ANXA4: variants seen among roughly 807,000 people sequenced by gnomAD.
ANXA4 encodes annexin A4.
ANXA4 carries 39 observed loss-of-function variants against 49.8 expected under a neutral mutation model. That is an observed-to-expected ratio of 0.78 (90% CI 0.61 to 1.02). The LOEUF (loss-of-function observed/expected upper bound fraction) is 1.02. Ranked by LOEUF, ANXA4 falls within the 50% of genes least tolerant of loss-of-function variation. The pLI is 0.00. For synonymous variants in ANXA4, 134 were observed against 152.5 expected (o/e 0.88, Z 0.89); for missense variants, 360 against 410.1 (o/e 0.88, Z 1.05).
chr2:69,767,822 A>G (rs1671553599), intron 1 of ANXA4, among the ~76,000 whole-genome samples: 1 of 152,220 alleles, frequency 6.6e-6, no homozygotes, highest in Admixed American at 6.5e-5. Context: ...TAGCTCAGCA[A>G]GAAATGTAAC....
intron 2 of ANXA4, among the ~76,000 whole-genome samples, chr2:69,659,535 T>C (rs1382894897): frequency 1.3e-5 from 2 of 152,230 alleles, no homozygotes; most frequent in Non-Finnish European, 2.9e-5. Context: ...CTTGAACTTC[T>C]GGGCTCAAGT....
At chr2:69,681,306 T>A (rs1482119793) in intron 2 of ANXA4, among the ~76,000 whole-genome samples, 9 of 152,004 alleles carry the variant, frequency 5.9e-5, no homozygotes, top group African/African-American at 2.2e-4. Flanking sequence ...TTCATAACAG[T>A]CTCTGATGAT....
In ANXA4 at chr2:69,656,240, C is replaced by T. The variant is rs1272198779; in HGVS notation, n.766+2958C>T. 2.2e-4 allele frequency among the ~76,000 whole-genome samples: 24 copies of T among 107,298 alleles called. 4 individuals are homozygous for T. The South Asian group carries it at 5.9e-3, about 26-fold the overall frequency. The allele number at this position is 107,298 out of a possible 152,430, so 70.4% of individuals were successfully genotyped here. On this transcript the variant is annotated intron_variant and non_coding_transcript_variant, in intron 2 of 3. Transcript: ENST00000418066. ...ATATATGTATATATGTATATATATA[C>T]GTATATATATGTATATACGTATATA...
At chr2:69,684,001 G>T (rs939968787) in intron 2 of ANXA4, among the ~76,000 whole-genome samples, 4 of 149,026 alleles carry the variant, frequency 2.7e-5, no homozygotes, top group Admixed American at 1.3e-4. Context: ...GTTTTAAGTT[G>T]TGTTATGTTA....
At chr2:69,706,447 C>A (rs542869166) in intron 2 of ANXA4, among the ~76,000 whole-genome samples, 2 of 151,508 alleles carry the variant, frequency 1.3e-5, no homozygotes, top group African/African-American at 4.8e-5. Flanking sequence ...ATCACAGGTG[C>A]CCACCACCAT....
At chr2:69,666,501 A>G (rs1676941396) in intron 2 of ANXA4, among the ~76,000 whole-genome samples, 1 of 152,256 alleles carries the variant, frequency 6.6e-6, no homozygotes. Flanking sequence ...CCCAAGAGGA[A>G]TAAAAGCATA....
intron 3 of ANXA4, among the ~76,000 whole-genome samples, chr2:69,801,338 G>C (rs1483803973): frequency 6.6e-6 from 1 of 151,970 alleles, no homozygotes; most frequent in Non-Finnish European, 1.5e-5. Context: ...AATGATTTTG[G>C]GGGCTGCTTT....
intron 1 of ANXA4, among the ~76,000 whole-genome samples, chr2:69,760,765 A>G (rs1045902710): frequency 2.0e-5 from 3 of 152,226 alleles, no homozygotes; most frequent in African/African-American, 7.2e-5. Flanking sequence ...CCATTCATGT[A>G]AAGTGTTCAG....
intron 1 of ANXA4, among the ~76,000 whole-genome samples, chr2:69,742,593 T>TA (rs1327093463): frequency 6.6e-6 from 1 of 152,228 alleles, no homozygotes; most frequent in African/African-American, 2.4e-5. Flanking sequence ...TTAAGAAACT[T>TA]ACTCCTTTCT....
At chr2:69,825,066 CAA>C (rs10565929) in intron 12 of ANXA4, among the ~76,000 whole-genome samples, 5,837 of 52,628 alleles carry the variant, frequency 0.11, 269 homozygotes, top group African/African-American at 0.28. Flanking sequence ...GACTCTGTCT[CAA>C]AAAAAAAAAA....
chr2:69,820,573 C>A, intron 11 of ANXA4, 126 bp from the exon 12 acceptor site: 1 of 1,118,940 alleles, frequency 8.9e-7, no homozygotes, highest in East Asian at 2.4e-5. Flanking sequence ...TTCCTCAGGC[C>A]TGCCAAGTAG....
At chr2:69,795,348 G>C (rs139152569) in intron 3 of ANXA4, among the ~76,000 whole-genome samples, 479 of 152,220 alleles carry the variant, frequency 3.1e-3, no homozygotes, top group African/African-American at 0.011. Context: ...GCAGAAAAAG[G>C]CATCCTTTAA....
At chr2:69,704,953 T>C (rs1332136164) in intron 2 of ANXA4, among the ~76,000 whole-genome samples, 1 of 152,140 alleles carries the variant, frequency 6.6e-6, no homozygotes, top group Non-Finnish European at 1.5e-5. Flanking sequence ...ATTTTCTTAC[T>C]TAATCATACT....
chr2:69,710,205 T>C (rs1678633867), intron 2 of ANXA4, among the ~76,000 whole-genome samples: 1 of 152,086 alleles, frequency 6.6e-6, no homozygotes, highest in African/African-American at 2.4e-5. Flanking sequence ...CAGGCTGGTC[T>C]TGAACTCCTG....
intron 1 of ANXA4, among the ~76,000 whole-genome samples, chr2:69,774,368 C>T (rs55972205): frequency 0.21 from 23,477 of 112,916 alleles, 2,621 homozygotes; most frequent in East Asian, 0.36. Flanking sequence ...GACAGAGTTT[C>T]GCTCTTGTTG....
At chr2:69,797,643 A>G (rs796388347) in intron 3 of ANXA4, among the ~76,000 whole-genome samples, 4 of 152,166 alleles carry the variant, frequency 2.6e-5, no homozygotes, top group African/African-American at 7.2e-5. Context: ...TCCCCTTTCT[A>G]TTTAGATGCC....
intron 4 of ANXA4, among the ~76,000 whole-genome samples, chr2:69,805,046 CAAAAAAAAAAAAA>C (rs60172949): frequency 2.8e-5 from 1 of 35,870 alleles, no homozygotes; most frequent in Non-Finnish European, 5.8e-5. Flanking sequence ...GACTCCATCT[CAAAAAAAAAAAAA>C]AAAAAAAAAA....
intron 1 of ANXA4, among the ~76,000 whole-genome samples, chr2:69,649,237 G>T: frequency 6.6e-6 from 1 of 151,892 alleles, no homozygotes; most frequent in East Asian, 1.9e-4. Context: ...AGTTGATTTT[G>T]GTTTTGGATT....
At chr2:69,759,065 G>A (rs1279244199) in intron 1 of ANXA4, among the ~76,000 whole-genome samples, 1 of 151,632 alleles carries the variant, frequency 6.6e-6, no homozygotes, top group Non-Finnish European at 1.5e-5. Context: ...GAACACGGGA[G>A]GCGGAGGTTT....
Sources: allele counts gnomAD v4.1 joint callset (sites outside exome capture counted in the v4.1 genomes callset), GRCh38; gene constraint gnomAD v4.1.1; transcripts MANE v1.5; gene names NCBI Gene and HGNC (gene_info 2026-07-23, HGNC 2026-07-21).